SLC12A3: variants seen among roughly 807,000 people sequenced by gnomAD.
SLC12A3 encodes the protein Na-Cl cotransporter.
SLC12A3 carries 104 observed loss-of-function variants against 121.0 expected under a neutral mutation model. The ratio of observed to expected loss-of-function variants is 0.86; its 90% CI spans 0.73 to 1.01. The LOEUF (loss-of-function observed/expected upper bound fraction) is 1.01. Among genes scored for constraint, SLC12A3 ranks in the 50% least tolerant of loss-of-function variants. SLC12A3 has a pLI of 0.00. For missense variants in SLC12A3, 1,328 were observed against 1,356.3 expected, an observed-to-expected ratio of 0.98 and a Z score of 0.33; for synonymous variants, 536 against 533.4, an observed-to-expected ratio of 1.00 and a Z score of -0.07.
At chr16:56,881,587 C>T (rs2055241156) in intron 12 of SLC12A3, among the ~76,000 whole-genome samples, 1 of 151,900 alleles carries the variant, frequency 6.6e-6, no homozygotes, top group South Asian at 2.1e-4. Context: ...AGAAGCAGGC[C>T]CCGAGACAAG....
At chr16:56,867,672 G>C (rs546027982) in intron 2 of SLC12A3, among the ~76,000 whole-genome samples, 19 of 152,162 alleles carry the variant, frequency 1.2e-4, no homozygotes, top group Admixed American at 2.0e-4. Context: ...CTGTGCCTCC[G>C]TTTCTCCATC....
At position 56,867,016 on chromosome 16, in the gene SLC12A3, A is replaced by AG. The variant is rs780617407; in HGVS notation, c.283-53dup. 1.0e-3 allele frequency: 1,597 copies of AG among 1,600,604 alleles called. 2 individuals are homozygous for AG. Among genetic ancestry groups the AG allele is most frequent in the Admixed American group, 1.8e-3 (109 of 60,022 alleles). ...GTGCAGGTCAGTGGGCTGGATGCAG[A>AG]GACGCCGTCCCTAGCACCCCTACCT... On this transcript the variant is annotated intron_variant, in intron 1 of 25. Transcript: ENST00000563236.
intron 13 of SLC12A3, among the ~76,000 whole-genome samples, chr16:56,882,866 G>A (rs1057028336): frequency 3.6e-4 from 55 of 151,898 alleles, no homozygotes; most frequent in African/African-American, 1.2e-3. Flanking sequence ...CACTTGAACT[G>A]GGAAAGGGGA....
At chr16:56,870,840 CTTT>C (rs71152213) in intron 6 of SLC12A3, 104 bp downstream of exon 6, 33 of 568,288 alleles carry the variant, frequency 5.8e-5, no homozygotes, top group Admixed American at 8.8e-5. Context: ...TTTTTCTTTT[CTTT>C]TTTTTTTTTT....
At chr16:56,911,824 G>A (rs145877464) in intron 25 of SLC12A3, among the ~76,000 whole-genome samples, 67 of 152,358 alleles carry the variant, frequency 4.4e-4, no homozygotes, top group East Asian at 2.5e-3. Flanking sequence ...CTTAGCTGTC[G>A]CGTGCTGGTC....
Position 56,872,409 on chromosome 16 carries a change from C to T in SLC12A3, c.911C>T (p.Thr304Met), listed in dbSNP as rs755069436. 1.2e-5 allele frequency: 20 copies of T among 1,613,956 alleles called. No homozygotes were observed. Among genetic ancestry groups the T allele is most frequent in the East Asian group, 4.5e-5 (2 of 44,884 alleles). The change falls in exon 7 of 26, where the codon ACG becomes ATG. Residue 304 changes from threonine (T) to methionine (M), a missense_variant. By Grantham distance (81) the Thr-to-Met change is moderately conservative. Transcript: ENST00000563236. ...TCCTTTGCCAACTATTTAGTGGGGA[C>T]GCTGATCCCCCCATCTGAGGACAAG... ...MVSFANYLVG[T>M]LIPPSEDKAS...
chr16:56,904,326 A>C, intron 24 of SLC12A3, 69 bp from the exon 25 acceptor site: 1 of 1,367,678 alleles, frequency 7.3e-7, no homozygotes. Context: ...TAATGAGGCC[A>C]TAGACGTGGT....
intron 8 of SLC12A3, among the ~76,000 whole-genome samples, chr16:56,873,959 G>T (rs1416193977): frequency 6.6e-6 from 1 of 152,066 alleles, no homozygotes; most frequent in South Asian, 2.1e-4. Context: ...TGATCCACCC[G>T]ATTTGTCTTC....
At chr16:56,910,786 G>C (rs1200029790) in intron 25 of SLC12A3, among the ~76,000 whole-genome samples, 2 of 152,242 alleles carry the variant, frequency 1.3e-5, no homozygotes, top group Non-Finnish European at 2.9e-5. Context: ...ATGCAGGGCT[G>C]TCTTTCACAT....
At chr16:56,891,289 T>C (rs2055384943) in intron 19 of SLC12A3, among the ~76,000 whole-genome samples, 1 of 149,464 alleles carries the variant, frequency 6.7e-6, no homozygotes, top group South Asian at 2.1e-4. Context: ...GGAGGATCGC[T>C]TGAGGCCAGG....
rs1567438131 is a variant in SLC12A3 at position 56,887,099 on chromosome 16, A to G, written c.2178+6A>G. 3 of 1,613,862 alleles carry G rather than the reference A, an allele frequency of 1.9e-6. No homozygotes were observed. The highest frequency in any genetic ancestry group is 2.2e-5 in the East Asian group (1 of 44,880). On this transcript the variant is annotated splice_donor_region_variant and intron_variant, in intron 17 of 25. Coordinates refer to ENST00000563236, the MANE Select transcript of SLC12A3 (RefSeq NM_001126108.2). Reference sequence around the variant, plus strand: ...GCGTCCAGATCCTCATGCAGGTGCCATGGACTGGGGGCTCCCCTACAGGAC... The same window carrying G: ...GCGTCCAGATCCTCATGCAGGTGCCGTGGACTGGGGGCTCCCCTACAGGAC...
chr16:56,865,607 G>A (rs1964335835), intron 1 of SLC12A3, 90 bp downstream of exon 1: 5 of 1,416,580 alleles, frequency 3.5e-6, no homozygotes, highest in Non-Finnish European at 2.9e-6. Flanking sequence ...TCTGTCATCT[G>A]TGCCATGGGG....
At position 56,892,067 on chromosome 16, in the gene SLC12A3, G is replaced by C; in HGVS notation, c.2369-16G>C. Reference sequence around the variant, plus strand: ...ACAAGGAGAGCCTGTGAACAAAGCTGCCTCTTCTTTTGCAGTTAACCCCGT... The same window carrying C: ...ACAAGGAGAGCCTGTGAACAAAGCTCCCTCTTCTTTTGCAGTTAACCCCGT... On this transcript the variant is annotated splice_polypyrimidine_tract_variant and intron_variant, in intron 19 of 25. Coordinates refer to ENST00000563236, the MANE Select transcript of SLC12A3 (RefSeq NM_001126108.2). 6.2e-7 allele frequency: 1 copy of C among 1,607,762 alleles called. No homozygotes were observed.
intron 22 of SLC12A3, among the ~76,000 whole-genome samples, chr16:56,897,258 G>A (rs1373975674): frequency 6.6e-6 from 1 of 152,190 alleles, no homozygotes; most frequent in Non-Finnish European, 1.5e-5. Context: ...TGGTAGGCTG[G>A]AGGTTGGCTG....
chr16:56,879,721 C>G lies in SLC12A3; in HGVS notation c.1443+72C>G, dbSNP rs554992376. On this transcript the variant is annotated intron_variant, in intron 11 of 25. Transcript: ENST00000563236. The stretch of plus-strand genomic sequence containing the variant: ...GGCTAGAGGCACAATAGGGCGGGTC[C>G]CTGGGTGACTGCTACAAACACCTGA... The G allele has an allele frequency of 3.0e-5, 34 of 1,115,932 alleles. No individual in the cohort carries two copies. In the African/African-American group the frequency reaches 4.9e-4, roughly 16 times the overall value. 69.1% of individuals were successfully genotyped at this position (1,115,932 alleles called of 1,614,324 possible). A position where few individuals can be genotyped will look rare whatever the true frequency, so the allele number is the denominator to read the frequency against.
chr16:56,902,536 G>T, intron 24 of SLC12A3, 28 bp downstream of exon 24: 1 of 1,578,626 alleles, frequency 6.3e-7, no homozygotes, highest in Non-Finnish European at 8.7e-7. Context: ...GGTGGGAAAC[G>T]CGACACATCA....
rs1332778814 is a variant in SLC12A3 at position 56,865,332 on chromosome 16, C to T, written c.97C>T (p.Pro33Ser). ...STLLSSDEPS[P>S]PAAYDSSHPS... ...ACTGCTGAGCAGTGATGAGCCCTCT[C>T]CACCAGCTGCCTATGACAGCAGCCA... is the stretch of plus-strand genomic sequence containing the variant. Residue 33 changes from proline (P) to serine (S), a missense_variant, in exon 1 of 26, where the codon CCA becomes TCA. Physicochemically the swap from Pro to Ser is moderately conservative, Grantham distance 74. Transcript: ENST00000563236. The T allele has an allele frequency of 1.9e-6, 3 of 1,613,990 alleles. No homozygotes were observed. The highest frequency in any genetic ancestry group is 2.5e-6 in the Non-Finnish European group (3 of 1,180,058).
chr16:56,879,529 C>T lies in SLC12A3; in HGVS notation c.1336-13C>T. ...CCCCCACCGTGGAGTCCCTGAGCCC[C>T]AAATCCCCACAGACCATGAGCATGG... On this transcript the variant is annotated splice_polypyrimidine_tract_variant and intron_variant, in intron 10 of 25. Transcript: ENST00000563236. 6.2e-7 allele frequency: 1 copy of T among 1,610,080 alleles called. No individual in the cohort carries two copies. Among genetic ancestry groups the T allele is most frequent in the Non-Finnish European group, 8.5e-7 (1 of 1,176,822 alleles).
intron 1 of SLC12A3, among the ~76,000 whole-genome samples, chr16:56,866,293 G>T (rs1334372496): frequency 1.3e-5 from 2 of 152,108 alleles, no homozygotes; most frequent in Non-Finnish European, 2.9e-5. Context: ...GCCCAGAATT[G>T]TTCTTGATTC....
Sources: gnomAD v4.1 joint callset for allele counts (sites outside exome capture counted in the v4.1 genomes callset) on GRCh38, gnomAD v4.1.1 for gene constraint, MANE v1.5 for transcripts, NCBI Gene and HGNC (gene_info 2026-07-23, HGNC 2026-07-21) for gene names.